THRB: variants seen among roughly 807,000 people sequenced by gnomAD.
THRB encodes the protein nuclear receptor subfamily 1 group A member 2.
In THRB, 12 loss-of-function variants were observed where a neutral mutation model predicts 47.8. The ratio of observed to expected loss-of-function variants is 0.25; its 90% CI spans 0.16 to 0.41. THRB has a LOEUF of 0.41. THRB is among the 10% of genes least tolerant of loss of function. The pLI is 1.00. For missense variants in THRB, 348 were observed against 589.2 expected (o/e 0.59, Z 4.24); for synonymous variants, 218 against 212.2 (o/e 1.03, Z -0.24).
intron 9 of THRB, among the ~76,000 whole-genome samples, chr3:24,128,039 CTG>C (rs2033194589): frequency 6.6e-6 from 1 of 152,170 alleles, no homozygotes; most frequent in Non-Finnish European, 1.5e-5. Flanking sequence ...GTGTGTGAAA[CTG>C]TGCTAATAAC....
intron 9 of THRB, among the ~76,000 whole-genome samples, chr3:24,128,580 T>C (rs1400906893): frequency 6.6e-6 from 1 of 152,260 alleles, no homozygotes; most frequent in Non-Finnish European, 1.5e-5. Context: ...TTTAATTAAA[T>C]GCCATTATCA....
intron 3 of THRB, among the ~76,000 whole-genome samples, chr3:24,276,536 G>A (rs2053930578): frequency 6.6e-6 from 1 of 152,180 alleles, no homozygotes; most frequent in South Asian, 2.1e-4. Flanking sequence ...GATACAGCCT[G>A]CCTCATTGGT....
At chr3:24,279,477 C>T (rs910483388) in intron 3 of THRB, among the ~76,000 whole-genome samples, 13 of 152,040 alleles carry the variant, frequency 8.6e-5, no homozygotes, top group East Asian at 5.8e-4. Flanking sequence ...CTCCACCTCC[C>T]GGGTTCACGC....
intron 4 of THRB, among the ~76,000 whole-genome samples, chr3:24,226,791 C>T (rs1230313248): frequency 6.6e-6 from 1 of 152,228 alleles, no homozygotes; most frequent in Non-Finnish European, 1.5e-5. Context: ...AGCTGACCTG[C>T]TGCCTGTTTT....
At chr3:24,256,739 A>C (rs564965135) in intron 3 of THRB, among the ~76,000 whole-genome samples, 1 of 152,076 alleles carries the variant, frequency 6.6e-6, no homozygotes, top group South Asian at 2.1e-4. Context: ...AGTTACAGAG[A>C]GATAGGTTTC....
intron 5 of THRB, among the ~76,000 whole-genome samples, chr3:24,158,361 C>T (rs184505524): frequency 2.7e-3 from 389 of 145,280 alleles, no homozygotes; most frequent in African/African-American, 9.6e-3. Context: ...AAATATTTCA[C>T]ATAATTCTTT....
intron 3 of THRB, among the ~76,000 whole-genome samples, chr3:24,269,182 T>C (rs2052976487): frequency 6.6e-6 from 1 of 152,006 alleles, no homozygotes; most frequent in Non-Finnish European, 1.5e-5. Flanking sequence ...AGAAACATAA[T>C]ACAAATGGGA....
chr3:24,201,705 T>C lies in THRB; in HGVS notation c.23-11371A>G, dbSNP rs765316903. Reference sequence around the variant, plus strand: ...TTGATGAATTGTAGGTTAGGGAAATTATACATGCAGAAATTAAAAGACAGT... The same window carrying C: ...TTGATGAATTGTAGGTTAGGGAAATCATACATGCAGAAATTAAAAGACAGT... On this transcript the variant is annotated intron_variant, in intron 4 of 10. Coordinates refer to ENST00000646209, the MANE Select transcript of THRB (RefSeq NM_001354712.2). 1.3e-4 allele frequency among the ~76,000 whole-genome samples: 20 copies of C among 152,174 alleles called. 1 individual carries two copies. The highest frequency in any genetic ancestry group is 1.5e-5 in the Non-Finnish European group (1 of 68,018).
At chr3:24,240,352 C>A (rs1469014521) in intron 3 of THRB, among the ~76,000 whole-genome samples, 1 of 152,076 alleles carries the variant, frequency 6.6e-6, no homozygotes, top group Non-Finnish European at 1.5e-5. Context: ...TTTACTGAGC[C>A]CGCGTCAAAT....
intron 5 of THRB, among the ~76,000 whole-genome samples, chr3:24,173,876 C>T (rs1337758300): frequency 1.3e-5 from 2 of 152,184 alleles, no homozygotes; most frequent in Non-Finnish European, 2.9e-5. Context: ...TTCCAGCCAC[C>T]TACCAAACCC....
At chr3:24,223,186 G>A (rs886466890) in intron 4 of THRB, among the ~76,000 whole-genome samples, 22 of 152,204 alleles carry the variant, frequency 1.4e-4, no homozygotes, top group African/African-American at 5.3e-4. Context: ...AATCAGGTTT[G>A]CCCCTCCCTT....
At chr3:24,368,009 G>A (rs2064605186) in intron 1 of THRB, among the ~76,000 whole-genome samples, 1 of 152,050 alleles carries the variant, frequency 6.6e-6, no homozygotes, top group Non-Finnish European at 1.5e-5. Flanking sequence ...AAAAACAGTT[G>A]GAGAGCCAGA....
intron 1 of THRB, among the ~76,000 whole-genome samples, chr3:24,442,422 A>G (rs1040442329): frequency 5.9e-5 from 9 of 152,160 alleles, no homozygotes; most frequent in Non-Finnish European, 1.2e-4. Flanking sequence ...GCAGTCTTGG[A>G]AAAAAATAGG....
chr3:24,474,967 A>T (rs1016932382), intron 1 of THRB, among the ~76,000 whole-genome samples: 4 of 152,264 alleles, frequency 2.6e-5, no homozygotes, highest in Non-Finnish European at 5.9e-5. Context: ...TTTAATTGAA[A>T]GAACATTACG....
chr3:24,427,460 C>T (rs2069880606), intron 1 of THRB, among the ~76,000 whole-genome samples: 1 of 151,992 alleles, frequency 6.6e-6, no homozygotes, highest in Admixed American at 6.6e-5. Flanking sequence ...TAACGTAGCT[C>T]ATATGATTGT....
chr3:24,461,120 C>T (rs1195644937), intron 1 of THRB, among the ~76,000 whole-genome samples: 1 of 152,162 alleles, frequency 6.6e-6, no homozygotes, highest in Non-Finnish European at 1.5e-5. Flanking sequence ...AGAACCACTG[C>T]TAATAATGGA....
At chr3:24,399,390 G>A (rs1251214542) in intron 1 of THRB, among the ~76,000 whole-genome samples, 1 of 152,000 alleles carries the variant, frequency 6.6e-6, no homozygotes, top group Non-Finnish European at 1.5e-5. Flanking sequence ...GGGAAAAAAT[G>A]TATTACCAAA....
At chr3:24,465,733 G>A in intron 1 of THRB, among the ~76,000 whole-genome samples, 1 of 152,070 alleles carries the variant, frequency 6.6e-6, no homozygotes, top group South Asian at 2.1e-4. Context: ...GAACCTCTAA[G>A]TCCTGGCTGT....
At chr3:24,470,743 AG>A (rs2074501970) in intron 1 of THRB, among the ~76,000 whole-genome samples, 1 of 152,094 alleles carries the variant, frequency 6.6e-6, no homozygotes, top group Non-Finnish European at 1.5e-5. Flanking sequence ...CAGCCTCCCC[AG>A]TAGCTGGGAT....
Sources: gnomAD v4.1 joint callset for allele counts (sites outside exome capture counted in the v4.1 genomes callset) on GRCh38, gnomAD v4.1.1 for gene constraint, MANE v1.5 for transcripts, NCBI Gene and HGNC (gene_info 2026-07-23, HGNC 2026-07-21) for gene names.